Variants in ZNF71 observed in about 807,000 individuals in gnomAD.
ZNF71 encodes the protein endothelial zinc finger protein induced by tumor necrosis factor alpha.
A neutral mutation model predicts 6.7 loss-of-function variants in ZNF71; 3 were observed. That is an observed-to-expected ratio of 0.45 (90% confidence interval 0.20 to 1.16). ZNF71 has a LOEUF of 1.16. ZNF71 is among the 50% of genes most tolerant of loss of function. The probability of loss-of-function intolerance (pLI) is 0.25; values close to 1 mark genes in which losing one functional copy is unlikely to be tolerated. For synonymous variants in ZNF71, 343 were observed against 311.1 expected (o/e 1.10, Z -1.08); for missense variants, 688 against 728.6 (o/e 0.94, Z 0.64).
At chr19:56,605,102 A>G (rs1308949022) in intron 2 of ZNF71, among the ~76,000 whole-genome samples, 1 of 152,332 alleles carries the variant, frequency 6.6e-6, no homozygotes, top group East Asian at 1.9e-4. Flanking sequence ...TGTGTTTTTC[A>G]TGTGAGTAAC....
rs1476583877 is a variant in ZNF71 at position 56,622,073 on chromosome 19, C to T, written c.966C>T (p.Arg322=). ...SQNMHLIVHQ[R]THTGEKPYVC... is the part of the protein sequence containing the mutation. The stretch of plus-strand genomic sequence containing the variant: ...ACATGCACCTCATCGTGCACCAGCG[C>T]ACGCACACCGGGGAGAAGCCGTACG... The change falls in exon 4 of 4, where the codon CGC becomes CGT. Residue 322 remains arginine (R), a synonymous_variant. Coordinates refer to ENST00000599599, the MANE Select transcript of ZNF71 (RefSeq NM_001370215.1). The T allele has an allele frequency of 1.2e-6, 2 of 1,612,422 alleles. No homozygotes were observed. Among genetic ancestry groups the T allele is most frequent in the Non-Finnish European group, 1.7e-6 (2 of 1,179,028 alleles).
intron 1 of ZNF71, among the ~76,000 whole-genome samples, chr19:56,596,365 C>T (rs2044624328): frequency 6.6e-6 from 1 of 152,030 alleles, no homozygotes; most frequent in Admixed American, 6.6e-5. Flanking sequence ...AGACTATATG[C>T]CTGGACAAGG....
chr19:56,618,254 T>C lies in ZNF71; in HGVS notation c.161-3014T>C, dbSNP rs1197473652. ...CAGGTGTATTGTGCCCTCGAGTACA[T>C]CTCTGACTCCATTCTTGTATCTCCG... is the stretch of plus-strand genomic sequence containing the variant. On this transcript the variant is annotated intron_variant, in intron 3 of 3. Transcript: ENST00000599599. This position sits in a 1 kb window ranked among gnomAD's most constrained non-coding sequence, Gnocchi z 4.6. 1.3e-5 allele frequency among the ~76,000 whole-genome samples: 2 copies of C among 152,208 alleles called. No homozygotes were observed. Among genetic ancestry groups the C allele is most frequent in the Non-Finnish European group, 2.9e-5 (2 of 68,040 alleles).
Position 56,614,001 on chromosome 19 carries a change from T to TAA in ZNF71, c.160+75_160+76dup, listed in dbSNP as rs35452706. 4.9e-4 allele frequency: 442 copies of TAA among 904,446 alleles called. 1 individual carries two copies. In the African/African-American group the frequency reaches 7.6e-3, roughly 16 times the overall value. The allele number at this position is 904,446 out of a possible 1,614,324, so 56.0% of individuals were successfully genotyped here. Reference sequence around the variant, plus strand: ...CATAACTTCAGGACCACAAATAAATTAAAAAAAAAAAAAGATCAACAGATC... The same window carrying TAA: ...CATAACTTCAGGACCACAAATAAATTAAAAAAAAAAAAAAAGATCAACAGATC... On this transcript the variant is annotated intron_variant, in intron 3 of 3. Coordinates refer to ENST00000599599, the MANE Select transcript of ZNF71 (RefSeq NM_001370215.1).
In ZNF71 at chr19:56,621,608, T is replaced by C. The variant is rs1393026635; in HGVS notation, c.501T>C (p.Arg167=). The change falls in exon 4 of 4, where the codon CGT becomes CGC. Residue 167 remains arginine (R), a synonymous_variant. Transcript: ENST00000599599. The part of the protein sequence containing the change: ...TEKGACPPVR[R]GKNFSSTSDL... The stretch of plus-strand genomic sequence containing the variant: ...AGGGGGCCTGTCCACCCGTAAGGCG[T>C]GGCAAGAACTTCTCCAGCACTTCAG... 1 of 1,614,050 alleles carries C rather than the reference T, an allele frequency of 6.2e-7. No homozygotes were observed. The highest frequency in any genetic ancestry group is 8.5e-7 in the Non-Finnish European group (1 of 1,180,016).
Position 56,598,874 on chromosome 19 carries a change from CTT to C in ZNF71, c.-52-2632_-52-2631del, listed in dbSNP as rs2044645869. 6.6e-6 allele frequency among the ~76,000 whole-genome samples: 1 copy of C among 152,186 alleles called. No individual in the cohort carries two copies. Among genetic ancestry groups the C allele is most frequent in the Admixed American group, 6.5e-5 (1 of 15,276 alleles). On this transcript the variant is annotated intron_variant, in intron 1 of 3. Transcript: ENST00000599599. The surrounding 1 kb of genome is among the most constrained non-coding windows in gnomAD (Gnocchi z 4.2). ...GGGGCCATTTGGCCTAAGAAAGGCT[CTT>C]CTTTGTCTTAGTGGTTCTTACGCTT...
At chr19:56,605,663 A>T (rs1218538658) in intron 2 of ZNF71, among the ~76,000 whole-genome samples, 1 of 152,240 alleles carries the variant, frequency 6.6e-6, no homozygotes, top group Non-Finnish European at 1.5e-5. Context: ...TGATGTGATC[A>T]GCCAGCAATA....
chr19:56,602,926 G>A (rs2044682217), intron 2 of ZNF71, among the ~76,000 whole-genome samples: 1 of 152,116 alleles, frequency 6.6e-6, no homozygotes, highest in Admixed American at 6.5e-5. Context: ...TCACATAGCA[G>A]CTATATTTTC....
rs531787984 is a variant in ZNF71, at chr19:56,620,415, G to C, written c.161-853G>C. On this transcript the variant is annotated intron_variant, in intron 3 of 3. Coordinates refer to ENST00000599599, the MANE Select transcript of ZNF71 (RefSeq NM_001370215.1). The stretch of plus-strand genomic sequence containing the variant: ...AGCATCCTGAGCACAGGGCAGGTCA[G>C]AGAAGGGTGGAGAATAGAAAGTGGG... Among the ~76,000 whole-genome samples the C allele has an allele frequency of 1.1e-4, 16 of 152,364 alleles. 2 individuals carry two copies. The highest frequency in any genetic ancestry group is 3.8e-4 in the African/African-American group (16 of 41,590).
chr19:56,607,310 A>G (rs1320506196), intron 2 of ZNF71, among the ~76,000 whole-genome samples: 1 of 152,206 alleles, frequency 6.6e-6, no homozygotes, highest in Non-Finnish European at 1.5e-5. Context: ...ATTTTGGGCA[A>G]ATACTCAAAG....
chr19:56,612,799 A>T (rs1315824589), intron 2 of ZNF71, among the ~76,000 whole-genome samples: 1 of 152,100 alleles, frequency 6.6e-6, no homozygotes, highest in African/African-American at 2.4e-5. Context: ...TGAAAAACAA[A>T]TTTCCCTTTT....
chr19:56,609,346 T>C (rs2044732559), intron 2 of ZNF71, among the ~76,000 whole-genome samples: 1 of 152,136 alleles, frequency 6.6e-6, no homozygotes, highest in Non-Finnish European at 1.5e-5. Flanking sequence ...TATCCAGTGC[T>C]TTTTAGTTTA....
rs756502875 is a variant in ZNF71, at chr19:56,622,133, C to T, written c.1026C>T (p.Asn342=). 1.9e-6 allele frequency: 3 copies of T among 1,613,470 alleles called. No individual in the cohort carries two copies. The highest frequency in any genetic ancestry group is 2.2e-5 in the East Asian group (1 of 44,810). ...AGTGCGGGCGAGCCTTCAGCCAGAA[C>T]ATGCACCTGACCGAGCACCAGCGCA... ...CPECGRAFSQ[N]MHLTEHQRTH... The change falls in exon 4 of 4, where the codon AAC becomes AAT. Residue 342 remains asparagine (N), a synonymous_variant. Transcript: ENST00000599599.
chr19:56,600,192 T>TAATACCCATTAGCCA (rs2044659369), intron 1 of ZNF71, among the ~76,000 whole-genome samples: 2 of 53,984 alleles, frequency 3.7e-5, no homozygotes, highest in Admixed American at 2.1e-4. Context: ...TGTATTTTTT[T>TAATACCCATTAGCCA]TTTTTTTTTT....
Position 56,622,876 on chromosome 19 carries a change from C to G in ZNF71, c.*119C>G. 5 of 1,346,296 alleles carry G rather than the reference C, an allele frequency of 3.7e-6. 1 individual carries two copies. The highest frequency in any genetic ancestry group is 4.7e-4 in the Middle Eastern group (2 of 4,264). The allele number at this position is 1,346,296 out of a possible 1,614,324, so 83.4% of individuals were successfully genotyped here. On this transcript the variant is annotated 3_prime_UTR_variant, in exon 4 of 4. Transcript: ENST00000599599. The stretch of plus-strand genomic sequence containing the variant: ...GGGTGGGGACTCGGGGTCAGGGGAG[C>G]TCAGGAATGTGGGGTTGTGGAGGGG...
chr19:56,601,144 C>CTG (rs59269211), intron 1 of ZNF71, among the ~76,000 whole-genome samples: 2,031 of 152,200 alleles, frequency 0.013, 38 homozygotes, highest in African/African-American at 0.044. Flanking sequence ...GGGAGTGCAT[C>CTG]TGTGAGGCAT....
intron 1 of ZNF71, among the ~76,000 whole-genome samples, chr19:56,601,135 G>A (rs998245257): frequency 1.3e-5 from 2 of 151,884 alleles, no homozygotes; most frequent in African/African-American, 4.9e-5. Flanking sequence ...AGTGTACATG[G>A]GAGTGCATCT....
At chr19:56,617,107 C>CTTT (rs200131241) in intron 3 of ZNF71, among the ~76,000 whole-genome samples, 3,402 of 116,166 alleles carry the variant, frequency 0.029, 78 homozygotes, top group East Asian at 0.16. Context: ...CTTCCATTTT[C>CTTT]TTTTGTTTTT....
At chr19:56,601,099 GTA>G (rs2044667545) in intron 1 of ZNF71, among the ~76,000 whole-genome samples, 1 of 152,150 alleles carries the variant, frequency 6.6e-6, no homozygotes, top group South Asian at 2.1e-4. Flanking sequence ...GTGTGTGAGT[GTA>G]TGTGTGTTAA....
Sources: gnomAD v4.1 joint callset for allele counts (sites outside exome capture counted in the v4.1 genomes callset) on GRCh38, gnomAD v4.1.1 for gene constraint, Gnocchi (gnomAD v3.1) non-coding constraint, MANE v1.5 for transcripts, NCBI Gene and HGNC (gene_info 2026-07-23, HGNC 2026-07-21) for gene names.